The following TULP1 variants were observed in gnomAD, a reference collection of about 807,000 sequenced individuals.
TULP1 encodes TUB like protein 1.
Under a neutral mutation model 67.1 loss-of-function variants are expected in TULP1, and 50 were observed. The observed-to-expected ratio is 0.75, with a 90% CI of 0.59 to 0.94. TULP1 has a LOEUF of 0.94. TULP1 is among the 40% of genes least tolerant of loss of function. The pLI, the probability that TULP1 is intolerant of heterozygous loss-of-function variation, is 0.00. For synonymous variants in TULP1, 297 were observed against 294.0 expected, an observed-to-expected ratio of 1.01 and a Z score of -0.11; for missense variants, 746 against 734.1, an observed-to-expected ratio of 1.02 and a Z score of -0.19.
Position 35,506,221 on chromosome 6 carries a change from G to A in TULP1, c.829-48C>T, listed in dbSNP as rs1469885539. ...TCAGCCCCAGAGCACCAGCTCCCCC[G>A]CTCCCAGCAGGTCCCAGTGCTGAGA... On this transcript the variant is annotated intron_variant, in intron 9 of 14. Coordinates refer to ENST00000229771, the MANE Select transcript of TULP1 (RefSeq NM_003322.6). 5 of 1,609,404 alleles carry A rather than the reference G, an allele frequency of 3.1e-6. No individual in the cohort carries two copies. The African/African-American group carries it at 4.0e-5, about 13-fold the overall frequency.
At chr6:35,505,478 G>A (rs1326945287) in intron 11 of TULP1, 1 of 939,008 alleles carries the variant, frequency 1.1e-6, no homozygotes, top group South Asian at 1.4e-5. Flanking sequence ...CCTGCTCCAA[G>A]TGAGGCCCTG....
chr6:35,511,907 C>T (rs1202907623), intron 3 of TULP1, 101 bp from the exon 4 acceptor site: 1 of 1,317,598 alleles, frequency 7.6e-7, no homozygotes, highest in Non-Finnish European at 1.0e-6. Flanking sequence ...CCTCGGGCTC[C>T]TCACCCTAGG....
At chr6:35,501,301 A>G (rs1392100890) in intron 13 of TULP1, among the ~76,000 whole-genome samples, 2 of 152,080 alleles carry the variant, frequency 1.3e-5, no homozygotes, top group Non-Finnish European at 2.9e-5. Flanking sequence ...CAGGAATTTA[A>G]GACCAGCCTG....
chr6:35,502,087 G>A (rs1189266582), intron 13 of TULP1, among the ~76,000 whole-genome samples: 1 of 152,064 alleles, frequency 6.6e-6, no homozygotes, highest in Non-Finnish European at 1.5e-5. Context: ...TCTCATTGAG[G>A]TCTGCTTTGA....
chr6:35,509,544 G>T, intron 7 of TULP1, 90 bp downstream of exon 7: 2 of 1,337,672 alleles, frequency 1.5e-6, no homozygotes, highest in Non-Finnish European at 1.1e-6. Context: ...TCCTTACCTA[G>T]CACTGTCTTG....
intron 8 of TULP1, among the ~76,000 whole-genome samples, chr6:35,506,641 A>C (rs1430722857): frequency 6.6e-6 from 1 of 152,218 alleles, no homozygotes; most frequent in Non-Finnish European, 1.5e-5. Flanking sequence ...CATAGTTTCA[A>C]GTACTTTCGA....
In TULP1 at chr6:35,502,503, T is replaced by TA. The variant is rs1760985170; in HGVS notation, c.1323+1055_1323+1056insT. ...CACCATGGCTGGCAACATTTTTTTT[T>TA]TAATTTTTGAGACAGAGTGTCGCTC... On this transcript the variant is annotated intron_variant, in intron 13 of 14. Coordinates refer to ENST00000229771, the MANE Select transcript of TULP1 (RefSeq NM_003322.6). 4.8e-5 allele frequency among the ~76,000 whole-genome samples: 7 copies of TA among 145,316 alleles called. 1 individual carries two copies. Among genetic ancestry groups the TA allele is most frequent in the Admixed American group, 2.0e-4 (3 of 14,636 alleles).
intron 8 of TULP1, among the ~76,000 whole-genome samples, chr6:35,507,519 G>A (rs749161288): frequency 1.3e-5 from 2 of 152,344 alleles, no homozygotes; most frequent in Non-Finnish European, 2.9e-5. Context: ...GTTAACACAT[G>A]AATGAATATG....
Position 35,505,739 on chromosome 6 carries a change from A to G in TULP1, c.1112+2T>C. 1 of 1,613,860 alleles carries G rather than the reference A, an allele frequency of 6.2e-7. No homozygotes were observed. Among genetic ancestry groups the G allele is most frequent in the Non-Finnish European group, 8.5e-7 (1 of 1,179,942 alleles). ...CCCCAGCCCCAGGAAGCCCAGCCCCACCTCAGCTTCCCGATGAAATTCTCC... is the reference window on the plus strand; with the variant it reads ...CCCCAGCCCCAGGAAGCCCAGCCCCGCCTCAGCTTCCCGATGAAATTCTCC... On this transcript the variant is annotated splice_donor_variant, in intron 11 of 14. Transcript: ENST00000229771. LOFTEE classifies it high-confidence loss of function.
In TULP1 at chr6:35,509,745, C is replaced by G. The variant is rs1761159046; in HGVS notation, c.607G>C (p.Gly203Arg). 1 of 1,614,086 alleles carries G rather than the reference C, an allele frequency of 6.2e-7. No individual in the cohort carries two copies. Among genetic ancestry groups the G allele is most frequent in the East Asian group, 2.2e-5 (1 of 44,852 alleles). ...CCTGAGGGGTCCTTGTCGGCCTCCC[C>G]AGACCCTGCATGTGTGGATGTGAAA... ...KMRKTKKKGS[G>R]EADKDPSGSP... is the part of the protein sequence containing the mutation. Residue 203 changes from glycine (G) to arginine (R), a missense_variant, in exon 7 of 15, where the codon GGG becomes CGG. By Grantham distance (125) the Gly-to-Arg change is moderately radical (BLOSUM62 -2). This residue lies in a region of TULP1 where 359 missense variants were observed against 341.9 expected (regional missense o/e 1.05). Transcript: ENST00000229771.
At chr6:35,499,160 C>G (rs550248867) in intron 14 of TULP1, among the ~76,000 whole-genome samples, 29 of 152,318 alleles carry the variant, frequency 1.9e-4, no homozygotes, top group African/African-American at 7.0e-4. Flanking sequence ...CCCAAACTTC[C>G]TCACCCTAGT....
At chr6:35,511,126 C>T in intron 4 of TULP1, 116 bp from the exon 5 acceptor site, 3 of 1,549,258 alleles carry the variant, frequency 1.9e-6, no homozygotes, top group African/African-American at 1.4e-5. Flanking sequence ...GGAGCCTGCC[C>T]TTCTGAAACA....
chr6:35,507,332 G>A (rs1380665208), intron 8 of TULP1, among the ~76,000 whole-genome samples: 3 of 151,592 alleles, frequency 2.0e-5, no homozygotes, highest in African/African-American at 7.3e-5. Flanking sequence ...TTCCAGTGAA[G>A]CCTTCAGAGT....
rs758782318 is a variant in TULP1 at position 35,505,706 on chromosome 6, C to G, written c.1112+35G>C. 1.9e-6 allele frequency: 3 copies of G among 1,612,062 alleles called. No homozygotes were observed. In the African/African-American group the frequency reaches 4.0e-5, roughly 22 times the overall value. On this transcript the variant is annotated intron_variant, in intron 11 of 14. Coordinates refer to ENST00000229771, the MANE Select transcript of TULP1 (RefSeq NM_003322.6). ...TGACGGGCTATGGCCTTTTGCTGACCCAAGTCCCCCCAGCCCCAGGAAGCC... is the reference window on the plus strand; with the variant it reads ...TGACGGGCTATGGCCTTTTGCTGACGCAAGTCCCCCCAGCCCCAGGAAGCC...
intron 8 of TULP1, among the ~76,000 whole-genome samples, chr6:35,506,480 C>T (rs1010494750): frequency 4.6e-5 from 7 of 152,230 alleles, no homozygotes; most frequent in African/African-American, 1.7e-4. Flanking sequence ...GGTTCAAATC[C>T]TAGTTTCACT....
intron 13 of TULP1, among the ~76,000 whole-genome samples, chr6:35,502,905 T>G (rs1167924852): frequency 6.6e-6 from 1 of 152,042 alleles, no homozygotes; most frequent in Non-Finnish European, 1.5e-5. Flanking sequence ...AATGCCAGCT[T>G]CAGGGGGGCA....
intron 14 of TULP1, 83 bp downstream of exon 14, chr6:35,499,898 T>G: frequency 6.7e-7 from 1 of 1,488,548 alleles, no homozygotes; most frequent in Non-Finnish European, 9.3e-7. Context: ...TGTGTGTGTG[T>G]GAGGGGGTGA....
chr6:35,505,163 C>T (rs1449199146), intron 11 of TULP1, among the ~76,000 whole-genome samples: 1 of 151,990 alleles, frequency 6.6e-6, no homozygotes, highest in African/African-American at 2.4e-5. Flanking sequence ...TCTCGGACTC[C>T]TGACCTCAGG....
chr6:35,502,029 T>G (rs1222941980), intron 13 of TULP1, among the ~76,000 whole-genome samples: 2 of 152,142 alleles, frequency 1.3e-5, no homozygotes, highest in Non-Finnish European at 2.9e-5. Flanking sequence ...CTCTTCCCAC[T>G]GCCCAGGTGC....
Sources: allele counts gnomAD v4.1 joint callset (sites outside exome capture counted in the v4.1 genomes callset), GRCh38; gene constraint gnomAD v4.1.1; regional missense constraint gnomAD v4.1.1; transcripts MANE v1.5; gene names NCBI Gene and HGNC (gene_info 2026-07-23, HGNC 2026-07-21).